Variants in FCHSD2 observed in about 807,000 individuals in gnomAD.
The protein encoded by FCHSD2 is F-BAR and double SH3 domains protein 2.
A neutral mutation model predicts 108.1 loss-of-function variants in FCHSD2; 38 were observed. The observed-to-expected ratio is 0.35, with a 90% CI of 0.27 to 0.46. The LOEUF is 0.46. Ranked by LOEUF, FCHSD2 falls within the 20% of genes least tolerant of loss-of-function variation. The pLI is 1.00. For synonymous variants in FCHSD2, 279 were observed against 314.7 expected (o/e 0.89, Z 1.20); for missense variants, 751 against 897.8 (o/e 0.84, Z 2.09).
intron 2 of FCHSD2, among the ~76,000 whole-genome samples, chr11:73,093,928 G>A (rs1193674929): frequency 6.7e-6 from 1 of 149,784 alleles, no homozygotes; most frequent in Non-Finnish European, 1.5e-5. Flanking sequence ...AATAAAGATA[G>A]GACTGGGTGT....
At chr11:72,985,038 GA>G in intron 7 of FCHSD2, 23 bp downstream of exon 7, 1 of 1,027,654 alleles carries the variant, frequency 9.7e-7, no homozygotes, top group Non-Finnish European at 1.5e-6. Flanking sequence ...TCTCAGTTGT[GA>G]AATACACTTA....
chr11:72,843,639 A>G (rs1363865913), intron 14 of FCHSD2, 107 bp from the exon 15 acceptor site: 1 of 738,286 alleles, frequency 1.4e-6, no homozygotes, highest in African/African-American at 1.8e-5. Flanking sequence ...TGATTTTGAG[A>G]AACATGTTGA....
chr11:73,062,548 G>A (rs193225680), intron 3 of FCHSD2, among the ~76,000 whole-genome samples: 161 of 152,226 alleles, frequency 1.1e-3, no homozygotes, highest in African/African-American at 1.9e-3. Flanking sequence ...TTGAAAAAAC[G>A]TTAGACGAAT....
chr11:72,958,993 A>ATGTGTGTGTGTGTG (rs59339008), intron 8 of FCHSD2, among the ~76,000 whole-genome samples: 18 of 114,778 alleles, frequency 1.6e-4, no homozygotes, highest in South Asian at 3.8e-4. Flanking sequence ...TCAGTAAGAT[A>ATGTGTGTGTGTGTG]TGTGTGTGTG....
At chr11:73,107,518 G>A (rs1860374793) in intron 2 of FCHSD2, among the ~76,000 whole-genome samples, 1 of 152,164 alleles carries the variant, frequency 6.6e-6, no homozygotes, top group Non-Finnish European at 1.5e-5. Flanking sequence ...TTGTCACCCT[G>A]TTGTGCTATC....
chr11:72,988,659 T>C lies in FCHSD2; in HGVS notation c.521+305A>G, dbSNP rs533175797. Among the ~76,000 whole-genome samples the C allele has an allele frequency of 3.3e-5, 5 of 152,326 alleles. No homozygotes were observed. In the South Asian group the frequency reaches 6.2e-4, roughly 19 times the overall value. ...CTTAAACCCTGATATTCAGACACCA[T>C]AGCAGTGACTTCAGGCTTTTGATAA... On this transcript the variant is annotated intron_variant, in intron 6 of 19. Transcript: ENST00000409418.
intron 3 of FCHSD2, among the ~76,000 whole-genome samples, chr11:73,052,559 C>A (rs1337896413): frequency 6.6e-6 from 1 of 152,176 alleles, no homozygotes; most frequent in Admixed American, 6.5e-5. Context: ...ACTGTTACTA[C>A]ATACTGAAGT....
intron 5 of FCHSD2, among the ~76,000 whole-genome samples, chr11:73,000,745 G>A (rs367695760): frequency 5.3e-5 from 8 of 152,188 alleles, no homozygotes; most frequent in African/African-American, 1.4e-4. Flanking sequence ...GCCGAAAAGC[G>A]GTATTACTAA....
At chr11:72,971,335 G>A (rs1857003090) in intron 8 of FCHSD2, among the ~76,000 whole-genome samples, 1 of 152,162 alleles carries the variant, frequency 6.6e-6, no homozygotes. Context: ...ACTATAAAAT[G>A]ATCCCAGTGA....
intron 12 of FCHSD2, among the ~76,000 whole-genome samples, chr11:72,869,226 ACTT>A (rs1191825800): frequency 1.3e-5 from 2 of 151,858 alleles, no homozygotes; most frequent in African/African-American, 4.8e-5. Context: ...TTTATTATAA[ACTT>A]CTTGTTTATA....
chr11:72,999,453 G>T (rs1857582778), intron 5 of FCHSD2, among the ~76,000 whole-genome samples: 1 of 151,618 alleles, frequency 6.6e-6, no homozygotes, highest in African/African-American at 2.4e-5. Flanking sequence ...CCGAGTAGCT[G>T]GAACTACAGG....
At chr11:72,924,809 A>C (rs951697925) in intron 8 of FCHSD2, among the ~76,000 whole-genome samples, 1 of 151,932 alleles carries the variant, frequency 6.6e-6, no homozygotes, top group African/African-American at 2.4e-5. Context: ...TGCAAATATT[A>C]TTACTATGAT....
At chr11:73,083,423 C>T (rs1859742247) in intron 3 of FCHSD2, among the ~76,000 whole-genome samples, 1 of 152,106 alleles carries the variant, frequency 6.6e-6, no homozygotes, top group Admixed American at 6.5e-5. Context: ...GTGGCACACA[C>T]CTGTAGTCCC....
intron 13 of FCHSD2, among the ~76,000 whole-genome samples, chr11:72,851,648 C>A (rs1861291069): frequency 6.6e-6 from 1 of 152,018 alleles, no homozygotes; most frequent in African/African-American, 2.4e-5. Context: ...GAGGCTGAGG[C>A]AGGAGAATTG....
chr11:72,929,621 T>C (rs1856149045), intron 8 of FCHSD2, among the ~76,000 whole-genome samples: 1 of 152,206 alleles, frequency 6.6e-6, no homozygotes, highest in Admixed American at 6.5e-5. Context: ...GAAATGAAGT[T>C]CAAAGCAATT....
At chr11:73,073,166 T>A (rs1468384400) in intron 3 of FCHSD2, among the ~76,000 whole-genome samples, 14 of 152,236 alleles carry the variant, frequency 9.2e-5, no homozygotes, top group Non-Finnish European at 1.5e-5. Context: ...AACACCTCAG[T>A]GGTTAGCTAA....
At chr11:72,856,414 ACT>A (rs1861430079) in intron 13 of FCHSD2, among the ~76,000 whole-genome samples, 2 of 152,172 alleles carry the variant, frequency 1.3e-5, no homozygotes, top group African/African-American at 2.4e-5. Flanking sequence ...CCTCTTAACC[ACT>A]GTTTGCCTAA....
chr11:73,003,470 A>T (rs1432121487), intron 4 of FCHSD2, among the ~76,000 whole-genome samples: 1 of 151,900 alleles, frequency 6.6e-6, no homozygotes, highest in Non-Finnish European at 1.5e-5. Flanking sequence ...AGGAAAAATA[A>T]TCATAGGTCA....
At chr11:72,848,615 A>G (rs569618032) in intron 14 of FCHSD2, among the ~76,000 whole-genome samples, 1 of 152,318 alleles carries the variant, frequency 6.6e-6, no homozygotes, top group African/African-American at 2.4e-5. Context: ...AGTGTATCAC[A>G]TATTGGGCAC....
Sources: gnomAD v4.1 joint callset for allele counts (sites outside exome capture counted in the v4.1 genomes callset) on GRCh38, gnomAD v4.1.1 for gene constraint, MANE v1.5 for transcripts, NCBI Gene and HGNC (gene_info 2026-07-23, HGNC 2026-07-21) for gene names.